The following ELL2 variants were observed in gnomAD, a reference collection of about 807,000 sequenced individuals.
ELL2 encodes the protein RNA polymerase II elongation factor ELL2.
ELL2 carries 21 observed loss-of-function variants against 72.8 expected under a neutral mutation model. The ratio of observed to expected loss-of-function variants is 0.29; its 90% CI spans 0.20 to 0.42. The LOEUF (loss-of-function observed/expected upper bound fraction) is 0.42. ELL2 is among the 10% of genes least tolerant of loss of function. The probability of loss-of-function intolerance (pLI) is 1.00; values close to 1 mark genes in which losing one functional copy is unlikely to be tolerated. For synonymous variants in ELL2, 266 were observed against 283.2 expected, an observed-to-expected ratio of 0.94 and a Z score of 0.61; for missense variants, 568 against 772.8, an observed-to-expected ratio of 0.73 and a Z score of 3.14.
intron 2 of ELL2, among the ~76,000 whole-genome samples, chr5:95,934,319 T>A (rs1331086693): frequency 6.6e-6 from 1 of 152,164 alleles, no homozygotes; most frequent in Admixed American, 6.6e-5. Flanking sequence ...ACCAACCCTC[T>A]ACTGATGTGG....
chr5:95,957,996 G>A (rs1196756600), intron 1 of ELL2, among the ~76,000 whole-genome samples: 1 of 152,142 alleles, frequency 6.6e-6, no homozygotes, highest in East Asian at 1.9e-4. Flanking sequence ...AGAATTCTCT[G>A]ATGCTTAATT....
At chr5:95,928,470 C>CTTTCCACCCTCCCA (rs1750475941) in intron 2 of ELL2, among the ~76,000 whole-genome samples, 3 of 152,264 alleles carry the variant, frequency 2.0e-5, no homozygotes, top group Admixed American at 2.0e-4. Flanking sequence ...GTTCCTAAAT[C>CTTTCCACCCTCCCA]TTTCCACCCT....
chr5:95,958,732 C>T (rs1751708149), intron 1 of ELL2, among the ~76,000 whole-genome samples: 1 of 152,164 alleles, frequency 6.6e-6, no homozygotes, highest in Admixed American at 6.5e-5. Context: ...AGCTACTTGG[C>T]TCCATGCTTT....
intron 5 of ELL2, among the ~76,000 whole-genome samples, chr5:95,904,009 T>C (rs1749251315): frequency 1.3e-5 from 2 of 152,234 alleles, no homozygotes; most frequent in South Asian, 4.1e-4. Context: ...TATTAGGCTC[T>C]TTAAGTAGTC....
chr5:95,954,467 T>C (rs183541132), intron 1 of ELL2, among the ~76,000 whole-genome samples: 5,533 of 148,282 alleles, frequency 0.037, 174 homozygotes, highest in Admixed American at 0.076. Context: ...AGTGCAGTGG[T>C]GCGATGTTGG....
At chr5:95,895,889 C>T (rs1748856617) in intron 8 of ELL2, among the ~76,000 whole-genome samples, 198 bp from the exon 9 acceptor site, 3 of 152,184 alleles carry the variant, frequency 2.0e-5, no homozygotes, top group East Asian at 1.9e-4. Flanking sequence ...GCAGAACCGA[C>T]GCCAGGCATT....
At chr5:95,934,731 T>C (rs1750715278) in intron 2 of ELL2, among the ~76,000 whole-genome samples, 1 of 152,236 alleles carries the variant, frequency 6.6e-6, no homozygotes, top group Admixed American at 6.5e-5. Context: ...CTGTTCTCCT[T>C]GTCAACTTGT....
chr5:95,895,803 T>C, intron 8 of ELL2, 112 bp from the exon 9 acceptor site: 1 of 851,490 alleles, frequency 1.2e-6, no homozygotes, highest in Non-Finnish European at 1.9e-6. Flanking sequence ...CAAATTCTAT[T>C]CTTCCATCTC....
chr5:95,940,021 T>C (rs184988221), intron 2 of ELL2, among the ~76,000 whole-genome samples: 1 of 152,332 alleles, frequency 6.6e-6, no homozygotes, highest in Admixed American at 6.5e-5. Flanking sequence ...CTCTTCAGAA[T>C]CAGCAAAGCA....
At position 95,919,558 on chromosome 5, in the gene ELL2, G is replaced by A; in HGVS notation, c.196-13C>T. The A allele has an allele frequency of 6.5e-7, 1 of 1,541,934 alleles. No individual in the cohort carries two copies. Among genetic ancestry groups the A allele is most frequent in the Non-Finnish European group, 8.7e-7 (1 of 1,153,540 alleles). ...GAATTTTGACAAGCTAAAATGAGGG[G>A]AAAAGAGAGAAACGCCTCAAATTAT... On this transcript the variant is annotated splice_polypyrimidine_tract_variant and intron_variant, in intron 2 of 11. Coordinates refer to ENST00000237853, the MANE Select transcript of ELL2 (RefSeq NM_012081.6).
At chr5:95,915,663 A>T (rs936733591) in intron 3 of ELL2, among the ~76,000 whole-genome samples, 2 of 152,198 alleles carry the variant, frequency 1.3e-5, no homozygotes, top group African/African-American at 4.8e-5. Context: ...CCAGAAAGGT[A>T]ATCTCACCTG....
chr5:95,936,724 G>C (rs12055287), intron 2 of ELL2, among the ~76,000 whole-genome samples: 38,029 of 151,924 alleles, frequency 0.25, 4,998 homozygotes, highest in East Asian at 0.38. Flanking sequence ...CAACATAGGT[G>C]ACAGAGTAAG....
chr5:95,946,720 T>C (rs1751171395), intron 1 of ELL2, among the ~76,000 whole-genome samples: 1 of 152,240 alleles, frequency 6.6e-6, no homozygotes, highest in Non-Finnish European at 1.5e-5. Flanking sequence ...CTTTCCTCTC[T>C]AACTCTTTCC....
chr5:95,898,153 C>T, intron 8 of ELL2, 87 bp downstream of exon 8: 1 of 1,111,368 alleles, frequency 9.0e-7, no homozygotes, highest in Non-Finnish European at 1.3e-6. Flanking sequence ...AATGAAACGT[C>T]ATTTGCTAAA....
intron 4 of ELL2, among the ~76,000 whole-genome samples, chr5:95,908,843 C>A (rs1171414420): frequency 6.6e-6 from 1 of 152,200 alleles, no homozygotes; most frequent in African/African-American, 2.4e-5. Context: ...TTGTTTAACT[C>A]TTTTCCAAAC....
At chr5:95,961,427 C>G (rs1369482544) in intron 1 of ELL2, 148 bp downstream of exon 1, 5 of 1,007,712 alleles carry the variant, frequency 5.0e-6, no homozygotes, top group Non-Finnish European at 6.4e-6. Flanking sequence ...GTCAGCCACC[C>G]TGCCCGGCCC....
intron 3 of ELL2, among the ~76,000 whole-genome samples, chr5:95,916,670 G>A (rs867478052): frequency 1.2e-4 from 18 of 152,194 alleles, no homozygotes; most frequent in African/African-American, 4.3e-4. Context: ...GGGTTGAGAA[G>A]TGAATGTAAG....
chr5:95,933,249 GA>G (rs1750659996), intron 2 of ELL2, among the ~76,000 whole-genome samples: 1 of 152,162 alleles, frequency 6.6e-6, no homozygotes, highest in Non-Finnish European at 1.5e-5. Context: ...GACAGTTATT[GA>G]AAACTTTAAA....
At chr5:95,912,213 C>T (rs555663800) in intron 4 of ELL2, among the ~76,000 whole-genome samples, 69 of 152,206 alleles carry the variant, frequency 4.5e-4, no homozygotes, top group African/African-American at 1.5e-3. Flanking sequence ...CAAACAAAAA[C>T]ACATGAACAC....
Sources: allele counts gnomAD v4.1 joint callset (sites outside exome capture counted in the v4.1 genomes callset), GRCh38; gene constraint gnomAD v4.1.1; transcripts MANE v1.5; gene names NCBI Gene and HGNC (gene_info 2026-07-23, HGNC 2026-07-21).